Variants in NETO1 observed in about 807,000 individuals in gnomAD.
NETO1 encodes neuropilin and tolloid-like protein 1.
A neutral mutation model predicts 61.3 loss-of-function variants in NETO1; 26 were observed. That is an observed-to-expected ratio of 0.42 (90% CI 0.31 to 0.59). The LOEUF is 0.59. Ranked by LOEUF, NETO1 falls within the 20% of genes least tolerant of loss-of-function variation. NETO1 has a pLI of 0.12. For missense variants in NETO1, 531 were observed against 662.8 expected (o/e 0.80, Z 2.18); for synonymous variants, 225 against 225.8 (o/e 1.00, Z 0.03).
At chr18:72,805,393 G>T (rs1437288272) in intron 4 of NETO1, among the ~76,000 whole-genome samples, 1 of 152,062 alleles carries the variant, frequency 6.6e-6, no homozygotes, top group Non-Finnish European at 1.5e-5. Context: ...GACTAAAAGG[G>T]TTTTTTCTGG....
At position 72,832,822 on chromosome 18, in the gene NETO1, C is replaced by T. The variant is rs555034288; in HGVS notation, c.469+26004G>A. On this transcript the variant is annotated intron_variant, in intron 4 of 10. Coordinates refer to ENST00000327305, the MANE Select transcript of NETO1 (RefSeq NM_138966.5). The stretch of plus-strand genomic sequence containing the variant: ...GCATATTTTCACATGTATAGTAGAG[C>T]AGTGTAATAAACATACAGATTTATA... Among the ~76,000 whole-genome samples the T allele has an allele frequency of 8.1e-4, 123 of 152,276 alleles. 1 individual carries two copies. The South Asian group carries it at 0.023, about 28-fold the overall frequency.
chr18:72,765,672 C>G (rs2071129924), intron 7 of NETO1, among the ~76,000 whole-genome samples: 1 of 152,056 alleles, frequency 6.6e-6, no homozygotes, highest in Non-Finnish European at 1.5e-5. Flanking sequence ...CCACCTTGGC[C>G]TCCCAAAGTG....
intron 4 of NETO1, among the ~76,000 whole-genome samples, chr18:72,798,921 C>T (rs1343165909): frequency 1.3e-5 from 2 of 152,114 alleles, no homozygotes; most frequent in African/African-American, 4.8e-5. Flanking sequence ...GTCATGAAAC[C>T]AACAAAACTG....
intron 10 of NETO1, 109 bp from the exon 11 acceptor site, chr18:72,748,273 A>G: frequency 1.0e-6 from 1 of 983,942 alleles, no homozygotes; most frequent in Non-Finnish European, 1.2e-6. Flanking sequence ...CTAGTTCAAG[A>G]ATAGTTGATA....
chr18:72,866,947 C>A (rs937115668), intron 1 of NETO1: 7 of 422,336 alleles, frequency 1.7e-5, no homozygotes, highest in African/African-American at 6.2e-5. Context: ...TTTCCACCTG[C>A]GCCCTCGCTT....
chr18:72,836,543 T>C (rs2073754450), intron 4 of NETO1, among the ~76,000 whole-genome samples: 1 of 152,188 alleles, frequency 6.6e-6, no homozygotes, highest in African/African-American at 2.4e-5. Flanking sequence ...AACAAGTACA[T>C]AATATTTATC....
At chr18:72,816,258 A>G (rs1434501621) in intron 4 of NETO1, among the ~76,000 whole-genome samples, 1 of 152,186 alleles carries the variant, frequency 6.6e-6, no homozygotes, top group Non-Finnish European at 1.5e-5. Flanking sequence ...AGCTACACAA[A>G]GGTGTAAAAA....
intron 4 of NETO1, among the ~76,000 whole-genome samples, chr18:72,821,789 A>G (rs1163946811): frequency 6.6e-6 from 1 of 152,182 alleles, no homozygotes; most frequent in African/African-American, 2.4e-5. Flanking sequence ...AAGTCAGAGT[A>G]TGAATACAGG....
rs1368898950 is a variant in NETO1, at chr18:72,834,883, C to T, written c.469+23943G>A. The T allele has an allele frequency of 3.1e-5, 27 of 861,682 alleles. No individual in the cohort carries two copies. In the Admixed American group the frequency reaches 6.9e-4, roughly 22 times the overall value. 53.4% of individuals were successfully genotyped at this position (861,682 alleles called of 1,614,324 possible). On this transcript the variant is annotated intron_variant, in intron 4 of 10. Transcript: ENST00000327305. ...AGATTGTAATACAAGAATAAATTAT[C>T]GAAAAAGATTATATAATTATAATCT...
At chr18:72,825,577 C>A (rs2073348534) in intron 4 of NETO1, among the ~76,000 whole-genome samples, 1 of 151,774 alleles carries the variant, frequency 6.6e-6, no homozygotes, top group South Asian at 2.1e-4. Flanking sequence ...AAATCTACTT[C>A]TAAAAACATT....
At chr18:72,808,220 C>T (rs986498054) in intron 4 of NETO1, among the ~76,000 whole-genome samples, 1 of 152,186 alleles carries the variant, frequency 6.6e-6, no homozygotes, top group Non-Finnish European at 1.5e-5. Flanking sequence ...GATGCCAAGG[C>T]AGGTGATATT....
At chr18:72,818,091 A>G (rs952430050) in intron 4 of NETO1, among the ~76,000 whole-genome samples, 1 of 152,120 alleles carries the variant, frequency 6.6e-6, no homozygotes, top group Non-Finnish European at 1.5e-5. Flanking sequence ...AGCTTTCGTA[A>G]CCTTTGCACT....
chr18:72,785,674 T>C (rs1030835224), intron 6 of NETO1, among the ~76,000 whole-genome samples: 2 of 152,344 alleles, frequency 1.3e-5, no homozygotes, highest in East Asian at 3.9e-4. Context: ...TAGCTGAAAT[T>C]TGTAACTGGT....
intron 7 of NETO1, among the ~76,000 whole-genome samples, chr18:72,775,184 C>T (rs2071505512): frequency 6.6e-6 from 1 of 152,158 alleles, no homozygotes; most frequent in African/African-American, 2.4e-5. Context: ...CTTCTCAAGC[C>T]TAGTAGCAAG....
At chr18:72,792,738 G>A (rs2072166707) in intron 6 of NETO1, among the ~76,000 whole-genome samples, 1 of 151,984 alleles carries the variant, frequency 6.6e-6, no homozygotes, top group Non-Finnish European at 1.5e-5. Flanking sequence ...GAGTTCTTCA[G>A]AGAGGCCTGA....
intron 4 of NETO1, among the ~76,000 whole-genome samples, chr18:72,822,740 T>G (rs759020588): frequency 6.6e-6 from 1 of 152,216 alleles, no homozygotes; most frequent in Admixed American, 6.5e-5. Context: ...TCACTTGCGG[T>G]AGACACTGTT....
chr18:72,760,950 A>G (rs565466355), intron 7 of NETO1, among the ~76,000 whole-genome samples: 9 of 152,352 alleles, frequency 5.9e-5, no homozygotes, highest in African/African-American at 1.9e-4. Flanking sequence ...TTTAAAAACC[A>G]TAACAGATAC....
chr18:72,751,122 T>A (rs549866928), intron 8 of NETO1, among the ~76,000 whole-genome samples: 1 of 150,298 alleles, frequency 6.7e-6, no homozygotes, highest in African/African-American at 2.5e-5. Context: ...CAAAGGATAA[T>A]TCAATTCAAT....
intron 4 of NETO1, among the ~76,000 whole-genome samples, chr18:72,805,800 G>A (rs138438085): frequency 4.6e-5 from 7 of 152,240 alleles, no homozygotes; most frequent in South Asian, 4.1e-4. Flanking sequence ...TGGGAGTGAC[G>A]TAACCTAAAG....
Sources: allele counts gnomAD v4.1 joint callset (sites outside exome capture counted in the v4.1 genomes callset), GRCh38; gene constraint gnomAD v4.1.1; transcripts MANE v1.5; gene names NCBI Gene and HGNC (gene_info 2026-07-23, HGNC 2026-07-21).